Variants in MED13 observed in about 807,000 individuals in gnomAD.
MED13 encodes the protein mediator of RNA polymerase II transcription subunit 13.
MED13 carries 23 observed loss-of-function variants against 225.2 expected under a neutral mutation model. That is an observed-to-expected ratio of 0.10 (90% CI 0.07 to 0.14). The LOEUF (loss-of-function observed/expected upper bound fraction) is 0.14. Ranked by LOEUF, MED13 falls within the 10% of genes least tolerant of loss-of-function variation. The probability of loss-of-function intolerance (pLI) is 1.00; values close to 1 mark genes in which losing one functional copy is unlikely to be tolerated. For missense variants in MED13, 2,197 were observed against 2,594.5 expected, an observed-to-expected ratio of 0.85 and a Z score of 3.33; for synonymous variants, 942 against 889.2, an observed-to-expected ratio of 1.06 and a Z score of -1.06.
chr17:62,001,789 CAA>C (rs2143546114), intron 9 of MED13, among the ~76,000 whole-genome samples: 1 of 152,262 alleles, frequency 6.6e-6, no homozygotes, highest in East Asian at 1.9e-4. Context: ...CATTTATGGT[CAA>C]GAGTAAATTT....
intron 3 of MED13, among the ~76,000 whole-genome samples, chr17:62,049,076 GAC>G (rs2080929150): frequency 1.0e-4 from 2 of 19,128 alleles, no homozygotes; most frequent in African/African-American, 8.4e-4. Flanking sequence ...CAGTAAATAA[GAC>G]AAAAAAAAAA....
chr17:62,053,843 C>A (rs1378702557), intron 2 of MED13, among the ~76,000 whole-genome samples: 1 of 152,102 alleles, frequency 6.6e-6, no homozygotes, highest in Non-Finnish European at 1.5e-5. Context: ...TTTATATGCA[C>A]AATTTATACA....
At chr17:62,030,965 A>G (rs537465635) in intron 6 of MED13, 1 of 152,438 alleles carries the variant, frequency 6.6e-6, no homozygotes, top group South Asian at 2.1e-4. Context: ...TAAGAATTAG[A>G]ACACAGCAAT....
chr17:61,987,084 A>G lies in MED13; in HGVS notation c.2308T>C (p.Leu770=). The change falls in exon 12 of 30, where the codon TTG becomes CTG. Residue 770 remains leucine (L), a synonymous_variant. Transcript: ENST00000397786. ...TSHARPPSTS[L]IYDSDLAVSY... ...ACAGCCAGGTCTGAGTCATAAATCA[A>G]ACTTGTTGATGGAGGACGGGCATGA... 6.2e-7 allele frequency: 1 copy of G among 1,608,542 alleles called. No individual in the cohort carries two copies. The highest frequency in any genetic ancestry group is 1.3e-5 in the African/African-American group (1 of 74,648).
At chr17:61,956,542 G>T in intron 23 of MED13, 61 bp from the exon 24 acceptor site, 1 of 1,532,222 alleles carries the variant, frequency 6.5e-7, no homozygotes, top group Non-Finnish European at 8.8e-7. Context: ...TTTTGCTGTT[G>T]TTGTTTTTTT....
chr17:62,039,191 T>C (rs1161784232), intron 3 of MED13, among the ~76,000 whole-genome samples: 1 of 152,224 alleles, frequency 6.6e-6, no homozygotes, highest in Non-Finnish European at 1.5e-5. Flanking sequence ...CCTATACTGC[T>C]AGCATGTAAT....
At chr17:62,033,431 C>A (rs1479934410) in intron 5 of MED13, among the ~76,000 whole-genome samples, 1 of 152,162 alleles carries the variant, frequency 6.6e-6, no homozygotes, top group African/African-American at 2.4e-5. Context: ...TTTGGCTTGG[C>A]CATTTAACTA....
At chr17:62,048,398 CA>C (rs555420453) in intron 3 of MED13, among the ~76,000 whole-genome samples, 3,437 of 68,060 alleles carry the variant, frequency 0.05, 44 homozygotes, top group African/African-American at 0.13. Flanking sequence ...GAGACTGTTT[CA>C]AAAAAAAAAA....
At chr17:61,990,180 T>C (rs1332935208) in intron 11 of MED13, among the ~76,000 whole-genome samples, 6 of 152,158 alleles carry the variant, frequency 3.9e-5, no homozygotes. Flanking sequence ...ATTGTATACT[T>C]GCAAATTGCT....
At chr17:61,955,862 A>C (rs768164006) in intron 24 of MED13, 24 bp from the exon 25 acceptor site, 8 of 1,481,466 alleles carry the variant, frequency 5.4e-6, no homozygotes, top group Non-Finnish European at 7.2e-6. Context: ...CAGTAAAAAA[A>C]AAAAAAAAAA....
In MED13 at chr17:61,950,987, A is replaced by G. The variant is rs2079891706; in HGVS notation, c.6129T>C (p.Thr2043=). 2 of 1,613,104 alleles carry G rather than the reference A, an allele frequency of 1.2e-6. No homozygotes were observed. Among genetic ancestry groups the G allele is most frequent in the East Asian group, 4.5e-5 (2 of 44,840 alleles). The change falls in exon 28 of 30, where the codon ACT becomes ACC. Residue 2043 remains threonine (T), a synonymous_variant. Transcript: ENST00000397786. ...GAGGTTCTGTTGATAGTAGCCGATC[A>G]GTACTCTGACCCTTAAAAAGACAAA... ...HGGDAGKGQS[T]DRLLSTEPHE...
intron 8 of MED13, among the ~76,000 whole-genome samples, chr17:62,011,930 T>C (rs1214936204): frequency 2.0e-5 from 3 of 152,146 alleles, no homozygotes; most frequent in Non-Finnish European, 4.4e-5. Context: ...AGTTTAAGAT[T>C]TCTAGGCTGG....
intron 22 of MED13, among the ~76,000 whole-genome samples, 166 bp from the exon 23 acceptor site, chr17:61,961,256 C>T (rs1030063296): frequency 3.9e-5 from 6 of 151,980 alleles, no homozygotes; most frequent in African/African-American, 1.2e-4. Context: ...TGGCAGGGCA[C>T]GGTGGCTCGT....
At chr17:61,964,793 A>G (rs949082007) in intron 20 of MED13, among the ~76,000 whole-genome samples, 1 of 151,610 alleles carries the variant, frequency 6.6e-6, no homozygotes, top group Admixed American at 6.6e-5. Flanking sequence ...AAAATTAGCC[A>G]GGCGTGGTGG....
intron 27 of MED13, among the ~76,000 whole-genome samples, chr17:61,951,868 C>A (rs1052070776): frequency 6.6e-6 from 1 of 152,058 alleles, no homozygotes; most frequent in South Asian, 2.1e-4. Context: ...CCTATGCATA[C>A]TACAATAATC....
intron 9 of MED13, chr17:62,005,264 G>C (rs2080435578): frequency 6.6e-6 from 1 of 152,096 alleles, no homozygotes; most frequent in Non-Finnish European, 1.5e-5. Flanking sequence ...CAATCCCTAA[G>C]AGTATACTGA....
chr17:61,967,748 A>C lies in MED13; in HGVS notation c.4191+287T>G, dbSNP rs1214831887. ...ATGTAACTTTTTTCCTGGCTATTTA[A>C]CATTGTTACCCTTTGTTTTAGAAAA... On this transcript the variant is annotated intron_variant, in intron 18 of 29. Coordinates refer to ENST00000397786, the MANE Select transcript of MED13 (RefSeq NM_005121.3). 4.6e-5 allele frequency among the ~76,000 whole-genome samples: 7 copies of C among 152,186 alleles called. No individual in the cohort carries two copies. In the East Asian group the frequency reaches 1.3e-3, roughly 29 times the overall value.
At chr17:62,055,985 A>G (rs142098643) in intron 2 of MED13, among the ~76,000 whole-genome samples, 2 of 152,346 alleles carry the variant, frequency 1.3e-5, no homozygotes, top group African/African-American at 4.8e-5. Flanking sequence ...AAAACAAACA[A>G]GTAGAGACCA....
In MED13 at chr17:61,955,406, C is replaced by A; in HGVS notation, c.5944G>T (p.Asp1982Tyr). Residue 1982 changes from aspartate to tyrosine, a missense_variant, in exon 26 of 30, where the codon GAT becomes TAT. By Grantham distance (160) the Asp-to-Tyr change is radical (BLOSUM62 -3). Around this residue, in one of 12 missense-constraint regions of MED13, gnomAD observed 216 missense variants for 388.9 expected, o/e 0.56. Coordinates refer to ENST00000397786, the MANE Select transcript of MED13 (RefSeq NM_005121.3). ...ASATYTTENL[D>Y]LAFNPNNDGA... ...CCATTGTTGGGATTGAAAGCTAAAT[C>A]CAAATTTTCAGTGGTATAAGTAGCT... The A allele has an allele frequency of 6.4e-7, 1 of 1,555,958 alleles. No individual in the cohort carries two copies. The highest frequency in any genetic ancestry group is 8.6e-7 in the Non-Finnish European group (1 of 1,157,600).
Sources: allele counts gnomAD v4.1 joint callset (sites outside exome capture counted in the v4.1 genomes callset), GRCh38; gene constraint gnomAD v4.1.1; regional missense constraint gnomAD v4.1.1; transcripts MANE v1.5; gene names NCBI Gene and HGNC (gene_info 2026-07-23, HGNC 2026-07-21).